Variants in CLEC7A observed in about 807,000 individuals in gnomAD.
CLEC7A encodes the protein C-type lectin domain family 7 member A.
A neutral mutation model predicts 26.9 loss-of-function variants in CLEC7A; 25 were observed. That is an observed-to-expected ratio of 0.93 (90% CI 0.68 to 1.30). The LOEUF is 1.30. Ranked by LOEUF, CLEC7A falls within the 50% of genes most tolerant of loss-of-function variation. The pLI, the probability that CLEC7A is intolerant of heterozygous loss-of-function variation, is 0.00. For missense variants in CLEC7A, 275 were observed against 286.7 expected (o/e 0.96, Z 0.29); for synonymous variants, 100 against 99.5 (o/e 1.01, Z -0.03).
At chr12:10,120,074 G>T (rs1948030934) in intron 5 of CLEC7A, among the ~76,000 whole-genome samples, 1 of 151,718 alleles carries the variant, frequency 6.6e-6, no homozygotes, top group African/African-American at 2.4e-5. Context: ...TTTAATGGTA[G>T]ATTAGCCACA....
intron 4 of CLEC7A, 60 bp downstream of exon 4, chr12:10,125,237 T>A: frequency 6.7e-6 from 8 of 1,202,670 alleles, no homozygotes; most frequent in Non-Finnish European, 9.6e-6. Context: ...ACCTGGAATC[T>A]CCCTCTATCT....
rs770109934 is a variant in CLEC7A, at chr12:10,123,331, A to T, written c.525T>A (p.Pro175=). Residue 175 remains proline, a synonymous_variant, in exon 5 of 6, where the codon CCT becomes CCA. Coordinates refer to ENST00000304084, the MANE Select transcript of CLEC7A (RefSeq NM_197947.3). ...AAAGGCCTATCCAAAATGAATTATCAGGTTGGGAAGACACTTGTTTTACTA... is the reference window on the plus strand; with the variant it reads ...AAAGGCCTATCCAAAATGAATTATCTGGTTGGGAAGACACTTGTTTTACTA... ...GFIVKQVSSQ[P]DNSFWIGLSR... 1.9e-6 allele frequency: 3 copies of T among 1,611,772 alleles called. No individual in the cohort carries two copies. The highest frequency in any genetic ancestry group is 1.3e-5 in the African/African-American group (1 of 74,880).
chr12:10,127,520 G>T (rs749065552), intron 2 of CLEC7A: 7 of 1,355,334 alleles, frequency 5.2e-6, no homozygotes, highest in Non-Finnish European at 7.4e-6. Flanking sequence ...TCTAATCATG[G>T]TCCCACCACT....
chr12:10,126,980 A>G, intron 2 of CLEC7A: 1 of 1,242,908 alleles, frequency 8.0e-7, no homozygotes, highest in African/African-American at 1.5e-5. Flanking sequence ...AGGCAGCAAG[A>G]GGCAAATGTC....
At chr12:10,122,072 G>T (rs1948104148) in intron 5 of CLEC7A, among the ~76,000 whole-genome samples, 1 of 152,036 alleles carries the variant, frequency 6.6e-6, no homozygotes, top group South Asian at 2.1e-4. Context: ...TAGAATAAAA[G>T]TTAATGAAAG....
At chr12:10,127,183 T>A in intron 2 of CLEC7A, 1 of 1,079,346 alleles carries the variant, frequency 9.3e-7, no homozygotes. Context: ...GCATGTGATA[T>A]AAAATGTAAA....
rs1272925553 is a variant in CLEC7A, at chr12:10,116,990, C to T, written c.*1468G>A. 1 of 151,728 alleles carries T rather than the reference C, an allele frequency of 6.6e-6. No homozygotes were observed. Among genetic ancestry groups the T allele is most frequent in the Non-Finnish European group, 1.5e-5 (1 of 67,962 alleles). 9.4% of individuals were successfully genotyped at this position (151,728 alleles called of 1,614,324 possible). A position where few individuals can be genotyped will look rare whatever the true frequency, so the allele number is the denominator to read the frequency against. The stretch of plus-strand genomic sequence containing the variant: ...GTATGAAAAAAATAAGACAAATCAG[C>T]ACATGAGGAAATATAGTTTCATTCC... On this transcript the variant is annotated 3_prime_UTR_variant, in exon 6 of 6. Coordinates refer to ENST00000304084, the MANE Select transcript of CLEC7A (RefSeq NM_197947.3).
chr12:10,125,012 T>G, intron 4 of CLEC7A: 1 of 357,546 alleles, frequency 2.8e-6, no homozygotes, highest in East Asian at 6.1e-5. Context: ...GCCCAGATGA[T>G]ATGGAGAAAC....
At chr12:10,123,192 G>C in intron 5 of CLEC7A, 53 bp downstream of exon 5, 1 of 1,169,774 alleles carries the variant, frequency 8.5e-7, no homozygotes, top group Non-Finnish European at 1.3e-6. Flanking sequence ...TCATAGATGA[G>C]ATGGAAACCT....
chr12:10,119,651 G>A (rs924916394), intron 5 of CLEC7A, among the ~76,000 whole-genome samples: 2 of 152,162 alleles, frequency 1.3e-5, no homozygotes, highest in Non-Finnish European at 2.9e-5. Flanking sequence ...AAGTAAAACA[G>A]TTAAGTGATT....
chr12:10,122,986 C>T (rs1019703067), intron 5 of CLEC7A, among the ~76,000 whole-genome samples: 3 of 152,070 alleles, frequency 2.0e-5, no homozygotes, highest in Non-Finnish European at 4.4e-5. Flanking sequence ...TCAAACATGT[C>T]GATGCCTCCC....
Position 10,128,795 on chromosome 12 carries a change from G to A in CLEC7A, c.104-950C>T, listed in dbSNP as rs916129659. Among the ~76,000 whole-genome samples the A allele has an allele frequency of 7.2e-5, 11 of 152,074 alleles. No individual in the cohort carries two copies. The East Asian group carries it at 9.6e-4, about 13-fold the overall frequency. On this transcript the variant is annotated intron_variant, in intron 1 of 5. Transcript: ENST00000304084. ...CTCTTGCCTCATCCACTTTTTCCAC[G>A]CTTCCTCAATAGGTTGCCCAAGAAA...
Position 10,123,234 on chromosome 12 carries a change from C to T in CLEC7A, c.611+11G>A, listed in dbSNP as rs764643298. 1 of 1,532,278 alleles carries T rather than the reference C, an allele frequency of 6.5e-7. No individual in the cohort carries two copies. Among genetic ancestry groups the T allele is most frequent in the Admixed American group, 1.7e-5 (1 of 59,770 alleles). 94.9% of individuals were successfully genotyped at this position (1,532,278 alleles called of 1,614,324 possible). ...GAAAAAGGATGAAGCATTGTCTCTC[C>T]AAACACTTACAAGTTAGAAGAGAAT... On this transcript the variant is annotated intron_variant, in intron 5 of 5. Coordinates refer to ENST00000304084, the MANE Select transcript of CLEC7A (RefSeq NM_197947.3).
rs188594620 is a variant in CLEC7A, at chr12:10,129,195, C to A, written c.103+785G>T. On this transcript the variant is annotated intron_variant, in intron 1 of 5. Coordinates refer to ENST00000304084, the MANE Select transcript of CLEC7A (RefSeq NM_197947.3). The stretch of plus-strand genomic sequence containing the variant: ...TCATATATTTTCCATCACTGGTATA[C>A]CAATAATTGTTTTTTGTTTAAAAAC... 2.3e-3 allele frequency among the ~76,000 whole-genome samples: 351 copies of A among 152,220 alleles called. 4 individuals are homozygous for A. Among genetic ancestry groups the A allele is most frequent in the African/African-American group, 8.2e-3 (340 of 41,546 alleles).
At chr12:10,128,922 C>G (rs1948399167) in intron 1 of CLEC7A, among the ~76,000 whole-genome samples, 1 of 152,206 alleles carries the variant, frequency 6.6e-6, no homozygotes, top group African/African-American at 2.4e-5. Flanking sequence ...TGATCTCTCT[C>G]TCTCAAAGAT....
rs760264788 is a variant in CLEC7A at position 10,125,468 on chromosome 12, A to G, written c.341-20T>C. On this transcript the variant is annotated intron_variant, in intron 3 of 5. Transcript: ENST00000304084. ...GAACCCCTGGAAATAAAAGATTAGT[A>G]CCATGAGGTTCATAGCATACCAATT... 3 of 1,601,574 alleles carry G rather than the reference A, an allele frequency of 1.9e-6. No homozygotes were observed. In the Admixed American group the frequency reaches 5.1e-5, roughly 27 times the overall value.
At chr12:10,119,109 T>A (rs1947998895) in intron 5 of CLEC7A, among the ~76,000 whole-genome samples, 1 of 152,200 alleles carries the variant, frequency 6.6e-6, no homozygotes, top group Admixed American at 6.5e-5. Flanking sequence ...TATATTACAA[T>A]ACAATGCTTG....
chr12:10,123,758 A>G (rs1948180198), intron 4 of CLEC7A, among the ~76,000 whole-genome samples: 1 of 87,136 alleles, frequency 1.1e-5, no homozygotes, highest in Non-Finnish European at 3.2e-5. Flanking sequence ...ACAGAGCGAG[A>G]CTCCGTCTCA....
intron 5 of CLEC7A, among the ~76,000 whole-genome samples, chr12:10,119,462 C>G (rs1227388203): frequency 6.6e-6 from 1 of 151,864 alleles, no homozygotes; most frequent in Non-Finnish European, 1.5e-5. Context: ...TAAATGCCAC[C>G]CGGAAAACAA....
Sources: gnomAD v4.1 joint callset for allele counts (sites outside exome capture counted in the v4.1 genomes callset) on GRCh38, gnomAD v4.1.1 for gene constraint, MANE v1.5 for transcripts, NCBI Gene and HGNC (gene_info 2026-07-23, HGNC 2026-07-21) for gene names.